TGFBR3: variants seen among roughly 807,000 people sequenced by gnomAD.
TGFBR3 encodes transforming growth factor beta receptor 3, also known as transforming growth factor beta receptor type 3.
Under a neutral mutation model 87.9 loss-of-function variants are expected in TGFBR3, and 46 were observed. The observed-to-expected ratio is 0.52, with a 90% CI of 0.41 to 0.67. The LOEUF (loss-of-function observed/expected upper bound fraction) is 0.67. Ranked by LOEUF, TGFBR3 falls within the 30% of genes least tolerant of loss-of-function variation. The probability of loss-of-function intolerance (pLI) is 0.00; values close to 1 mark genes in which losing one functional copy is unlikely to be tolerated. For synonymous variants in TGFBR3, 381 were observed against 391.6 expected (o/e 0.97, Z 0.32); for missense variants, 866 against 1,041.9 (o/e 0.83, Z 2.32).
intron 2 of TGFBR3, among the ~76,000 whole-genome samples, chr1:91,822,293 TAAAAAAAAAAAAAAAA>T (rs71087974): frequency 3.2e-5 from 3 of 93,338 alleles, no homozygotes; most frequent in African/African-American, 5.2e-5. Flanking sequence ...AGCAAAGCAT[TAAAAAAAAAAAAAAAA>T]AAAAAAAAAA....
At chr1:91,904,768 G>A (rs1228212810) in intron 1 of TGFBR3, among the ~76,000 whole-genome samples, 1 of 152,066 alleles carries the variant, frequency 6.6e-6, no homozygotes, top group Non-Finnish European at 1.5e-5. Context: ...GTTTTGTCAT[G>A]TTGGCCAGGC....
Position 91,720,058 on chromosome 1 carries a change from C to G in TGFBR3, c.1248G>C (p.Glu416Asp), listed in dbSNP as rs1463202015. Reference sequence around the variant, plus strand: ...TTGGCCGAGGGAGCCCATCTTCTCCCTCTTCATTCCAGACTCTCCTGGAAA... The same window carrying G: ...TTGGCCGAGGGAGCCCATCTTCTCCGTCTTCATTCCAGACTCTCCTGGAAA... ...PDISRRVWNE[E>D]GEDGLPRPKD... The change falls in exon 9 of 17, where the codon GAG becomes GAC. Residue 416 changes from glutamate (E) to aspartate (D), a missense_variant. Coordinates refer to ENST00000212355, the MANE Select transcript of TGFBR3 (RefSeq NM_003243.5). 1 of 1,614,096 alleles carries G rather than the reference C, an allele frequency of 6.2e-7. No individual in the cohort carries two copies. The highest frequency in any genetic ancestry group is 8.5e-7 in the Non-Finnish European group (1 of 1,180,040).
rs1671288208 is a variant in TGFBR3, at chr1:91,692,136, T to TA, written c.2437+3535dup. On this transcript the variant is annotated intron_variant, in intron 16 of 16. Coordinates refer to ENST00000212355, the MANE Select transcript of TGFBR3 (RefSeq NM_003243.5). Reference sequence around the variant, plus strand: ...GAGTTAACTGTGATTAGCATTTAGGTAGTCATAATAATGTAAACAGTAAAT... The same window carrying TA: ...GAGTTAACTGTGATTAGCATTTAGGTAAGTCATAATAATGTAAACAGTAAAT... Among the ~76,000 whole-genome samples, 3 of 152,320 alleles carry TA rather than the reference T, an allele frequency of 2.0e-5. No individual in the cohort carries two copies. The East Asian group carries it at 5.8e-4, about 29-fold the overall frequency.
chr1:91,833,123 C>T (rs1412330230), intron 2 of TGFBR3, among the ~76,000 whole-genome samples: 4 of 151,228 alleles, frequency 2.6e-5, no homozygotes, highest in East Asian at 2.0e-4. Flanking sequence ...AGCGAAACCC[C>T]GTCTCTACTA....
At chr1:91,827,233 GA>G (rs1676678224) in intron 2 of TGFBR3, among the ~76,000 whole-genome samples, 1 of 152,122 alleles carries the variant, frequency 6.6e-6, no homozygotes, top group Non-Finnish European at 1.5e-5. Context: ...CTGTAGCAAC[GA>G]TCACAACAAC....
rs149117838 is a variant in TGFBR3, at chr1:91,715,017, A to C, written c.1866+1219T>G. 1.7e-3 allele frequency among the ~76,000 whole-genome samples: 265 copies of C among 152,294 alleles called. 1 individual carries two copies. The highest frequency in any genetic ancestry group is 6.3e-3 in the African/African-American group (260 of 41,558). On this transcript the variant is annotated intron_variant, in intron 12 of 16. Transcript: ENST00000212355. ...AAACAGAAACACGTGCACCAAAGTC[A>C]CTTTTAACATATGGAAGTACCCCAC...
intron 2 of TGFBR3, among the ~76,000 whole-genome samples, chr1:91,822,422 G>T (rs1362537428): frequency 6.6e-6 from 1 of 151,452 alleles, no homozygotes; most frequent in Non-Finnish European, 1.5e-5. Flanking sequence ...TAGAATCAAC[G>T]GGTAATAATA....
At position 91,682,489 on chromosome 1, in the gene TGFBR3, A is replaced by G. The variant is rs1451918373; in HGVS notation, c.*1250T>C. ...TGGCATCATATTATTCCATTTAATGAAATTCACCTCAAGCCCTTTTTGACA... is the reference window on the plus strand; with the variant it reads ...TGGCATCATATTATTCCATTTAATGGAATTCACCTCAAGCCCTTTTTGACA... On this transcript the variant is annotated 3_prime_UTR_variant, in exon 17 of 17. Transcript: ENST00000212355. 1 of 451,252 alleles carries G rather than the reference A, an allele frequency of 2.2e-6. No individual in the cohort carries two copies. The highest frequency in any genetic ancestry group is 1.6e-5 in the South Asian group (1 of 64,350). The allele number at this position is 451,252 out of a possible 1,614,324, so 28.0% of individuals were successfully genotyped here.
rs1354693500 is a variant in TGFBR3, at chr1:91,758,769, A to G, written c.247-19T>C. On this transcript the variant is annotated intron_variant, in intron 3 of 16. Transcript: ENST00000212355. Reference sequence around the variant, plus strand: ...GTGTGACCTAGGAAGCAACAGAAAGAGGGCAGAAATCTTAGCCCTGGCTTT... The same window carrying G: ...GTGTGACCTAGGAAGCAACAGAAAGGGGGCAGAAATCTTAGCCCTGGCTTT... The G allele has an allele frequency of 6.2e-7, 1 of 1,613,636 alleles. No individual in the cohort carries two copies. The highest frequency in any genetic ancestry group is 1.3e-5 in the African/African-American group (1 of 74,900).
chr1:91,791,561 C>T (rs550257412), intron 3 of TGFBR3, among the ~76,000 whole-genome samples: 6 of 152,324 alleles, frequency 3.9e-5, no homozygotes, highest in Non-Finnish European at 7.4e-5. Flanking sequence ...AACCCAAACC[C>T]TCACTAACAG....
intron 1 of TGFBR3, among the ~76,000 whole-genome samples, chr1:91,865,956 T>TA (rs113009739): frequency 0.019 from 2,909 of 149,662 alleles, 79 homozygotes; most frequent in African/African-American, 0.055. Flanking sequence ...TTAATGGGTT[T>TA]AAAAAAAAAG....
chr1:91,770,563 G>A (rs1674342523), intron 3 of TGFBR3, among the ~76,000 whole-genome samples: 1 of 152,154 alleles, frequency 6.6e-6, no homozygotes, highest in Non-Finnish European at 1.5e-5. Context: ...TATTAACTAT[G>A]TTAACTATAG....
At chr1:91,848,140 T>A (rs898358629) in intron 2 of TGFBR3, among the ~76,000 whole-genome samples, 3 of 152,166 alleles carry the variant, frequency 2.0e-5, no homozygotes, top group Non-Finnish European at 4.4e-5. Flanking sequence ...GTGTTCAAGG[T>A]AGCTGTTGTA....
At chr1:91,720,756 GA>G (rs1672342036) in intron 8 of TGFBR3, among the ~76,000 whole-genome samples, 1 of 152,194 alleles carries the variant, frequency 6.6e-6, no homozygotes, top group Admixed American at 6.5e-5. Flanking sequence ...TTATTCCATT[GA>G]AATGCCACTA....
intron 3 of TGFBR3, among the ~76,000 whole-genome samples, chr1:91,773,784 T>C (rs1478262354): frequency 6.6e-6 from 1 of 152,248 alleles, no homozygotes; most frequent in East Asian, 1.9e-4. Context: ...ATGATCTGTG[T>C]ACTCAATTAA....
chr1:91,832,024 C>A (rs1182861750), intron 2 of TGFBR3, among the ~76,000 whole-genome samples: 2 of 152,068 alleles, frequency 1.3e-5, no homozygotes, highest in Non-Finnish European at 2.9e-5. Context: ...TTCCATGTTG[C>A]CTTATGAACA....
intron 2 of TGFBR3, among the ~76,000 whole-genome samples, chr1:91,804,272 G>C (rs1264902878): frequency 2.0e-5 from 3 of 152,134 alleles, no homozygotes; most frequent in African/African-American, 7.2e-5. Context: ...ACCTTCAACT[G>C]TCACAGAAAG....
chr1:91,749,896 A>G (rs1052745152), intron 4 of TGFBR3, among the ~76,000 whole-genome samples: 2 of 152,208 alleles, frequency 1.3e-5, no homozygotes, highest in African/African-American at 4.8e-5. Context: ...CACCACGTCA[A>G]CAAAGGGCAC....
chr1:91,789,130 T>C (rs1256621432), intron 3 of TGFBR3, among the ~76,000 whole-genome samples: 1 of 152,136 alleles, frequency 6.6e-6, no homozygotes, highest in Non-Finnish European at 1.5e-5. Flanking sequence ...ACCCCGTCTC[T>C]ACTAAAACTC....
Sources: allele counts gnomAD v4.1 joint callset (sites outside exome capture counted in the v4.1 genomes callset), GRCh38; gene constraint gnomAD v4.1.1; transcripts MANE v1.5; gene names NCBI Gene and HGNC (gene_info 2026-07-23, HGNC 2026-07-21).